ABTB1: variants seen among roughly 807,000 people sequenced by gnomAD.
ABTB1 encodes the protein ankyrin repeat and BTB/POZ domain-containing protein 1.
Under a neutral mutation model 57.1 loss-of-function variants are expected in ABTB1, and 45 were observed. That is an observed-to-expected ratio of 0.79 (90% CI 0.62 to 1.01). The LOEUF is 1.01. ABTB1 is among the 50% of genes least tolerant of loss of function. The pLI is 0.00. For missense variants in ABTB1, 630 were observed against 666.3 expected (o/e 0.95, Z 0.60); for synonymous variants, 302 against 275.4 (o/e 1.10, Z -0.95).
intron 3 of ABTB1, chr3:127,675,645 A>G (rs1000872292): frequency 2.7e-5 from 10 of 364,546 alleles, no homozygotes; most frequent in African/African-American, 2.0e-4. Context: ...ACTAGAGTAT[A>G]AGTTCAGCAG....
Position 127,673,025 on chromosome 3 carries a change from C to G in ABTB1, c.-1C>G, listed in dbSNP as rs750429925. On this transcript the variant is annotated 5_prime_UTR_variant, in exon 1 of 12. Transcript: ENST00000232744. ...TCGGCTCGGGTACCATCCTCCGCGCCATGGACACCAGCGACCTGTTCGCCA... is the reference window on the plus strand; with the variant it reads ...TCGGCTCGGGTACCATCCTCCGCGCGATGGACACCAGCGACCTGTTCGCCA... 14 of 1,569,148 alleles carry G rather than the reference C, an allele frequency of 8.9e-6. No homozygotes were observed. The highest frequency in any genetic ancestry group is 1.2e-5 in the Non-Finnish European group (14 of 1,157,838).
intron 10 of ABTB1, 76 bp from the exon 11 acceptor site, chr3:127,679,909 G>A: frequency 2.0e-6 from 3 of 1,476,010 alleles, no homozygotes; most frequent in South Asian, 2.4e-5. Context: ...ACCACCACAG[G>A]CCCTAGCCTT....
chr3:127,674,582 C>T lies in ABTB1; in HGVS notation c.157C>T (p.Leu53Phe), dbSNP rs199986435. The change falls in exon 3 of 12, where the codon CTC (leucine) becomes TTC (phenylalanine). Residue 53 changes from leucine (L) to phenylalanine (F), a missense_variant. By Grantham distance (22) the Leu-to-Phe change is conservative. Coordinates refer to ENST00000232744, the MANE Select transcript of ABTB1 (RefSeq NM_172027.3). Reference protein sequence around the residue: ...ACLCGHEELVLYLLANGARCE... With the variant: ...ACLCGHEELVFYLLANGARCE... ...CTTGTGTGGGCACGAGGAGCTGGTA[C>T]TCTACCTTCTGGCCAATGGTGAGAG... is the stretch of plus-strand genomic sequence containing the variant. The T allele has an allele frequency of 3.4e-5, 55 of 1,614,194 alleles. No individual in the cohort carries two copies. The highest frequency in any genetic ancestry group is 4.2e-5 in the Non-Finnish European group (49 of 1,180,034).
rs1231744843 is a variant in ABTB1, at chr3:127,677,077, G to C, written c.637G>C (p.Glu213Gln). Reference protein sequence around the residue: ...DLEAKCEKVSEFVASKPGTCV... With the variant: ...DLEAKCEKVSQFVASKPGTCV... ...GGAGGCCAAGTGCGAGAAGGTGTCT[G>C]AGTTTGGTGCGAGCAGGGTTTGGGG... The change falls in exon 7 of 12, where the codon GAG becomes CAG. Residue 213 changes from glutamate (E) to glutamine (Q), a missense_variant. Around this residue, in one of 3 missense-constraint regions of ABTB1, gnomAD observed 579 missense variants for 585.9 expected, o/e 0.99. Transcript: ENST00000232744. 1 of 1,614,134 alleles carries C rather than the reference G, an allele frequency of 6.2e-7. No individual in the cohort carries two copies. The highest frequency in any genetic ancestry group is 8.5e-7 in the Non-Finnish European group (1 of 1,180,002).
At position 127,677,231 on chromosome 3, in the gene ABTB1, G is replaced by C. The variant is rs767792728; in HGVS notation, c.707G>C (p.Arg236Pro). The C allele has an allele frequency of 6.2e-7, 1 of 1,604,476 alleles. No individual in the cohort carries two copies. The highest frequency in any genetic ancestry group is 1.1e-5 in the South Asian group (1 of 90,026). ...ATCGAGCCCCCACCTGCAGACCCCCGCCTCCGGGAGGACATGGCGCTGCTG... is the reference window on the plus strand; with the variant it reads ...ATCGAGCCCCCACCTGCAGACCCCCCCCTCCGGGAGGACATGGCGCTGCTG... ...LTIEPPPADP[R>P]LREDMALLAD... Residue 236 changes from arginine (R) to proline (P), a missense_variant, in exon 8 of 12, where the codon CGC becomes CCC. Coordinates refer to ENST00000232744, the MANE Select transcript of ABTB1 (RefSeq NM_172027.3).
Position 127,676,490 on chromosome 3 carries a change from G to A in ABTB1, c.481-46G>A. The stretch of plus-strand genomic sequence containing the variant: ...CTGTCCAGGAACAGCAGGAGGTTGT[G>A]CTGGGTGGCTGCCTCTGACATTACT... On this transcript the variant is annotated intron_variant, in intron 5 of 11. Transcript: ENST00000232744. The surrounding 1 kb of genome is among the most constrained non-coding windows in gnomAD (Gnocchi z 5.4). 6.2e-7 allele frequency: 1 copy of A among 1,614,148 alleles called. No individual in the cohort carries two copies. The highest frequency in any genetic ancestry group is 8.5e-7 in the Non-Finnish European group (1 of 1,180,002).
chr3:127,680,123 C>T lies in ABTB1; in HGVS notation c.1168C>T (p.Leu390Phe). 6.2e-7 allele frequency: 1 copy of T among 1,613,956 alleles called. No homozygotes were observed. Among genetic ancestry groups the T allele is most frequent in the Non-Finnish European group, 8.5e-7 (1 of 1,180,030 alleles). The change falls in exon 11 of 12, where the codon CTC (leucine) becomes TTC (phenylalanine). Residue 390 changes from leucine (L) to phenylalanine (F), a missense_variant. By Grantham distance (22) the Leu-to-Phe change is conservative. Transcript: ENST00000232744. Reference sequence around the variant, plus strand: ...GGTGGGTGTGTGGCGCGTGGCCAAGCTCTTCCGCCTGGCGCGGCTTGAGGA... The same window carrying T: ...GGTGGGTGTGTGGCGCGTGGCCAAGTTCTTCCGCCTGGCGCGGCTTGAGGA... ...TVVGVWRVAK[L>F]FRLARLEDQC...
chr3:127,679,953 G>T lies in ABTB1; in HGVS notation c.1030-32G>T, dbSNP rs762485025. 15 of 1,608,062 alleles carry T rather than the reference G, an allele frequency of 9.3e-6. No individual in the cohort carries two copies. The African/African-American group carries it at 1.9e-4, about 20-fold the overall frequency. On this transcript the variant is annotated intron_variant, in intron 10 of 11. Transcript: ENST00000232744. Reference sequence around the variant, plus strand: ...TGCCCTGGGAGCCCTTGGTGACCTCGGGGGGCACCTTCATCCCTGTCTTCA... The same window carrying T: ...TGCCCTGGGAGCCCTTGGTGACCTCTGGGGGCACCTTCATCCCTGTCTTCA...
intron 1 of ABTB1, 160 bp downstream of exon 1, chr3:127,673,241 C>A: frequency 4.5e-6 from 3 of 661,692 alleles, no homozygotes; most frequent in Non-Finnish European, 6.4e-6. Context: ...GGACCCCCGC[C>A]GCAGCCCCCC....
chr3:127,674,785 A>C (rs2074939662), intron 3 of ABTB1, among the ~76,000 whole-genome samples, 185 bp downstream of exon 3: 1 of 152,022 alleles, frequency 6.6e-6, no homozygotes, highest in African/African-American at 2.4e-5. Flanking sequence ...TTCTCTGTCC[A>C]CCTTGCCCAT....
At chr3:127,674,648 T>TGTGCGTGTGGGTGCATGCATGC (rs1221198691) in intron 3 of ABTB1, 48 bp downstream of exon 3, 4 of 1,603,902 alleles carry the variant, frequency 2.5e-6, no homozygotes, top group Non-Finnish European at 2.6e-6. Context: ...TGCATGCATG[T>TGTGCGTGTGGGTGCATGCATGC]GTGCGTGTGG....
At position 127,675,959 on chromosome 3, in the gene ABTB1, G is replaced by T; in HGVS notation, c.176-11G>T. On this transcript the variant is annotated splice_polypyrimidine_tract_variant and intron_variant, in intron 3 of 11. Coordinates refer to ENST00000232744, the MANE Select transcript of ABTB1 (RefSeq NM_172027.3). ...CCTTCCCTGCTAACTGGTGAGCCCT[G>T]CCTCCCCCAGGAGCCCGCTGCGAGG... The T allele has an allele frequency of 6.2e-7, 1 of 1,601,812 alleles. No homozygotes were observed. Among genetic ancestry groups the T allele is most frequent in the Middle Eastern group, 1.9e-4 (1 of 5,292 alleles).
intron 3 of ABTB1, chr3:127,675,470 T>G (rs34819557): frequency 0.074 from 11,926 of 161,410 alleles, 1,403 homozygotes; most frequent in African/African-American, 0.26. Context: ...GCAGAGATGG[T>G]GTCTCACTAT....
intron 10 of ABTB1, 132 bp from the exon 11 acceptor site, chr3:127,679,853 A>G: frequency 1.6e-6 from 1 of 607,728 alleles, no homozygotes; most frequent in East Asian, 4.6e-5. Context: ...ATACATGCGC[A>G]GGGAGCTCCT....
rs747263079 is a variant in ABTB1 at position 127,680,415 on chromosome 3, G to A, written c.1377G>A (p.Glu459=). ...STVQTYSAIE[E]AQQRLRALED... ...TGCAGACCTACAGCGCCATAGAGGAGGCGCAGCAGCGTCTGCGGGCACTCG... is the reference window on the plus strand; with the variant it reads ...TGCAGACCTACAGCGCCATAGAGGAAGCGCAGCAGCGTCTGCGGGCACTCG... The change falls in exon 12 of 12, where the codon GAG becomes GAA. Residue 459 remains glutamate (E), a synonymous_variant. Transcript: ENST00000232744. 2 of 1,607,718 alleles carry A rather than the reference G, an allele frequency of 1.2e-6. No homozygotes were observed. The highest frequency in any genetic ancestry group is 2.2e-5 in the South Asian group (2 of 90,274).
At chr3:127,675,082 G>GC (rs2074947056) in intron 3 of ABTB1, among the ~76,000 whole-genome samples, 1 of 151,960 alleles carries the variant, frequency 6.6e-6, no homozygotes, top group African/African-American at 2.4e-5. Flanking sequence ...TGCTATGCAT[G>GC]CCCCTGTTCC....
In ABTB1 at chr3:127,680,458, A is replaced by G; in HGVS notation, c.1420A>G (p.Ile474Val). 14 of 1,602,118 alleles carry G rather than the reference A, an allele frequency of 8.7e-6. No homozygotes were observed. Among genetic ancestry groups the G allele is most frequent in the Non-Finnish European group, 1.2e-5 (14 of 1,177,110 alleles). Residue 474 changes from isoleucine (I) to valine (V), a missense_variant, in exon 12 of 12, where the codon ATC (isoleucine) becomes GTC (valine). By Grantham distance (29) the Ile-to-Val change is conservative (BLOSUM62 3). Around this residue, in one of 3 missense-constraint regions of ABTB1, gnomAD observed 43 missense variants for 56.1 expected, o/e 0.77. Transcript: ENST00000232744. ...LRALEDLLVS[I>V]GLDC The stretch of plus-strand genomic sequence containing the variant: ...GGCACTCGAGGACCTGCTCGTGTCC[A>G]TCGGTCTGGACTGTTGAGCCCCTGG...
intron 10 of ABTB1, chr3:127,678,313 T>TGC (rs750751000): frequency 2.2e-3 from 267 of 123,540 alleles, no homozygotes; most frequent in Middle Eastern, 0.013. Flanking sequence ...AGAGAGTGTG[T>TGC]GTGTGCGTGC....
Position 127,676,053 on chromosome 3 carries a change from G to T in ABTB1, c.259G>T (p.Asp87Tyr). The T allele has an allele frequency of 6.2e-7, 1 of 1,613,312 alleles. No homozygotes were observed. The highest frequency in any genetic ancestry group is 8.5e-7 in the Non-Finnish European group (1 of 1,179,992). ...TGACCCCATCCGCCGGGCTCTACGC[G>T]ATTACAAGCAGGTCACGGCTTCCTG... ...LSDPIRRALR[D>Y]YKQVTASCRR... is the part of the protein sequence containing the mutation. The change falls in exon 4 of 12, where the codon GAT (aspartate) becomes TAT (tyrosine). Residue 87 changes from aspartate to tyrosine, a missense_variant. Asp to Tyr is a radical substitution (Grantham distance 160). This residue lies in a region of ABTB1 where 579 missense variants were observed against 585.9 expected (regional missense o/e 0.99). Transcript: ENST00000232744. This position sits in a 1 kb window ranked among gnomAD's most constrained non-coding sequence, Gnocchi z 5.4.
Sources: allele counts gnomAD v4.1 joint callset (sites outside exome capture counted in the v4.1 genomes callset), GRCh38; gene constraint gnomAD v4.1.1; regional missense constraint gnomAD v4.1.1; non-coding constraint Gnocchi (gnomAD v3.1); transcripts MANE v1.5; gene names NCBI Gene and HGNC (gene_info 2026-07-23, HGNC 2026-07-21).